TMEM196: variants seen among roughly 807,000 people sequenced by gnomAD.
The protein encoded by TMEM196 is transmembrane protein 196.
Under a neutral mutation model 20.0 loss-of-function variants are expected in TMEM196, and 17 were observed. The observed-to-expected ratio is 0.85, with a 90% CI of 0.58 to 1.27. The LOEUF is 1.27. Among genes scored for constraint, TMEM196 ranks in the 50% most tolerant of loss-of-function variants. The pLI, the probability that TMEM196 is intolerant of heterozygous loss-of-function variation, is 0.00. For synonymous variants in TMEM196, 113 were observed against 88.9 expected, an observed-to-expected ratio of 1.27 and a Z score of -1.52; for missense variants, 267 against 223.0, an observed-to-expected ratio of 1.20 and a Z score of -1.26.
At chr7:19,742,678 GT>G (rs1284623526) in intron 1 of TMEM196, among the ~76,000 whole-genome samples, 1 of 152,108 alleles carries the variant, frequency 6.6e-6, no homozygotes, top group Non-Finnish European at 1.5e-5. Flanking sequence ...AGTTTTGGCT[GT>G]CTTAACAACT....
At position 19,719,517 on chromosome 7, in the gene TMEM196, T is replaced by C. The variant is rs879212117; in HGVS notation, c.*2611A>G. 1 of 152,164 alleles carries C rather than the reference T, an allele frequency of 6.6e-6. No individual in the cohort carries two copies. 9.4% of individuals were successfully genotyped at this position (152,164 alleles called of 1,614,324 possible). On this transcript the variant is annotated 3_prime_UTR_variant, in exon 5 of 5. Coordinates refer to ENST00000405844, the MANE Select transcript of TMEM196 (RefSeq NM_001363562.2). The stretch of plus-strand genomic sequence containing the variant: ...CTTATAATACTCTACCTATTTGATA[T>C]GGTCCAAAGTATACCACCACTCCAG...
intron 1 of TMEM196, among the ~76,000 whole-genome samples, chr7:19,767,343 T>C (rs1785675739): frequency 1.3e-5 from 2 of 152,122 alleles, no homozygotes; most frequent in Admixed American, 1.3e-4. Flanking sequence ...CTAACTTATC[T>C]GATTGTCAAT....
At position 19,772,728 on chromosome 7, in the gene TMEM196, G is replaced by T; in HGVS notation, c.-32C>A. ...TCGGTCATCTTCCTTCCAGATCAGA[G>T]AGGGAAATCAACCATCTACCTTTTT... On this transcript the variant is annotated 5_prime_UTR_variant, in exon 1 of 5. Coordinates refer to ENST00000405844, the MANE Select transcript of TMEM196 (RefSeq NM_001363562.2). The T allele has an allele frequency of 6.9e-7, 1 of 1,454,294 alleles. No individual in the cohort carries two copies. 90.1% of individuals were successfully genotyped at this position (1,454,294 alleles called of 1,614,324 possible). A position where few individuals can be genotyped will look rare whatever the true frequency, so the allele number is the denominator to read the frequency against.
chr7:19,749,280 G>A (rs546798696), intron 1 of TMEM196, among the ~76,000 whole-genome samples: 48 of 152,260 alleles, frequency 3.2e-4, no homozygotes, highest in Non-Finnish European at 4.6e-4. Context: ...CACGTGATAC[G>A]GAGAGAGCCA....
chr7:19,745,398 T>A (rs1306276361), intron 1 of TMEM196, among the ~76,000 whole-genome samples: 1 of 152,008 alleles, frequency 6.6e-6, no homozygotes, highest in Admixed American at 6.6e-5. Context: ...AATTATAAAT[T>A]GCTCCCAGTA....
intron 1 of TMEM196, among the ~76,000 whole-genome samples, chr7:19,731,727 A>G (rs145946076): frequency 4.3e-4 from 65 of 152,366 alleles, no homozygotes; most frequent in African/African-American, 1.5e-3. Flanking sequence ...TAGAACATCT[A>G]GGTGGCAATA....
chr7:19,757,628 A>G (rs1403030721), intron 1 of TMEM196, among the ~76,000 whole-genome samples: 2 of 152,046 alleles, frequency 1.3e-5, no homozygotes, highest in South Asian at 4.1e-4. Flanking sequence ...GTTTAGTGAG[A>G]TAGCTTGGCT....
At chr7:19,747,550 C>G (rs1784805921) in intron 1 of TMEM196, among the ~76,000 whole-genome samples, 1 of 152,166 alleles carries the variant, frequency 6.6e-6, no homozygotes, top group Non-Finnish European at 1.5e-5. Context: ...TATATTTCAG[C>G]TGAGAAAACT....
intron 1 of TMEM196, among the ~76,000 whole-genome samples, chr7:19,757,521 A>G (rs1422578211): frequency 3.3e-5 from 5 of 151,814 alleles, no homozygotes; most frequent in African/African-American, 1.2e-4. Flanking sequence ...GATTACAAGC[A>G]TGAGCCATGA....
intron 1 of TMEM196, among the ~76,000 whole-genome samples, chr7:19,764,547 C>T (rs1390932561): frequency 6.6e-6 from 1 of 152,134 alleles, no homozygotes; most frequent in African/African-American, 2.4e-5. Flanking sequence ...CACTTTTCCT[C>T]CTCTGCCCAC....
At chr7:19,761,462 CT>C (rs1404565714) in intron 1 of TMEM196, among the ~76,000 whole-genome samples, 1 of 152,070 alleles carries the variant, frequency 6.6e-6, no homozygotes, top group Non-Finnish European at 1.5e-5. Flanking sequence ...GACATAACCT[CT>C]CACACATGTA....
rs568194577 is a variant in TMEM196 at position 19,723,430 on chromosome 7, T to C, written c.533+850A>G. On this transcript the variant is annotated intron_variant, in intron 4 of 4. Coordinates refer to ENST00000405844, the MANE Select transcript of TMEM196 (RefSeq NM_001363562.2). ...TTAGAAATGATAAAAAGTGAATCTG[T>C]TATATTAACCTTTTATTGCAGAATT... 3.9e-5 allele frequency among the ~76,000 whole-genome samples: 6 copies of C among 152,290 alleles called. 2 individuals carry two copies. Among genetic ancestry groups the C allele is most frequent in the East Asian group, 3.9e-4 (2 of 5,188 alleles).
At chr7:19,748,189 G>A (rs1411868987) in intron 1 of TMEM196, among the ~76,000 whole-genome samples, 1 of 123,506 alleles carries the variant, frequency 8.1e-6, no homozygotes, top group Non-Finnish European at 1.6e-5. Flanking sequence ...TTATAACAAA[G>A]TTTATACATA....
chr7:19,735,630 A>C (rs1382327643), intron 1 of TMEM196, among the ~76,000 whole-genome samples: 1 of 152,162 alleles, frequency 6.6e-6, no homozygotes, highest in Non-Finnish European at 1.5e-5. Flanking sequence ...AAATTTTGGA[A>C]CCATGATTAC....
chr7:19,762,119 A>T (rs1478698366), intron 1 of TMEM196, among the ~76,000 whole-genome samples: 1 of 152,126 alleles, frequency 6.6e-6, no homozygotes, highest in African/African-American at 2.4e-5. Flanking sequence ...AAACTTGTGA[A>T]TTTTATATAA....
chr7:19,772,418 C>CCTA, intron 1 of TMEM196, 132 bp downstream of exon 1: 2 of 998,806 alleles, frequency 2.0e-6, no homozygotes, highest in Non-Finnish European at 2.7e-6. Flanking sequence ...TCAGCATGAA[C>CCTA]CTACATGCAA....
intron 1 of TMEM196, among the ~76,000 whole-genome samples, chr7:19,749,908 C>A (rs1784897948): frequency 6.6e-6 from 1 of 152,210 alleles, no homozygotes; most frequent in Non-Finnish European, 1.5e-5. Context: ...ATACTACTCT[C>A]ATTCCTTGCT....
chr7:19,739,580 G>C, intron 1 of TMEM196, among the ~76,000 whole-genome samples: 1 of 152,162 alleles, frequency 6.6e-6, no homozygotes. Flanking sequence ...TCTCTGGGCA[G>C]CCTGGGGAAA....
chr7:19,763,635 C>T (rs1785515589), intron 1 of TMEM196, among the ~76,000 whole-genome samples: 1 of 152,090 alleles, frequency 6.6e-6, no homozygotes, highest in Non-Finnish European at 1.5e-5. Context: ...AGGTCAATTT[C>T]ATCAATGGTC....
Sources: allele counts gnomAD v4.1 joint callset (sites outside exome capture counted in the v4.1 genomes callset), GRCh38; gene constraint gnomAD v4.1.1; transcripts MANE v1.5; gene names NCBI Gene and HGNC (gene_info 2026-07-23, HGNC 2026-07-21).